Variants in ASAP1 observed in about 807,000 individuals in gnomAD.
The protein encoded by ASAP1 is ArfGAP with SH3 domain, ankyrin repeat and PH domain 1, also known as arf-GAP with SH3 domain, ANK repeat and PH domain-containing protein 1.
ASAP1 carries 43 observed loss-of-function variants against 145.2 expected under a neutral mutation model. The observed-to-expected ratio is 0.30, with a 90% confidence interval of 0.23 to 0.38. The LOEUF (loss-of-function observed/expected upper bound fraction) is 0.38, where lower values mean the gene tolerates loss of function less well. Ranked by LOEUF, ASAP1 falls within the 10% of genes least tolerant of loss-of-function variation. ASAP1 has a pLI of 1.00. For missense variants in ASAP1, 1,018 were observed against 1,355.3 expected, an observed-to-expected ratio of 0.75 and a Z score of 3.91; for synonymous variants, 546 against 515.5, an observed-to-expected ratio of 1.06 and a Z score of -0.80.
chr8:130,434,119 C>A (rs993589887), intron 1 of ASAP1, among the ~76,000 whole-genome samples: 3 of 152,124 alleles, frequency 2.0e-5, no homozygotes, highest in Non-Finnish European at 4.4e-5. Flanking sequence ...AGTTCGAGAC[C>A]AACTTGGGCA....
At chr8:130,205,382 GAA>G (rs771590453) in intron 5 of ASAP1, among the ~76,000 whole-genome samples, 38 of 57,046 alleles carry the variant, frequency 6.7e-4, no homozygotes, top group African/African-American at 2.0e-3. Flanking sequence ...ATCCTTATAA[GAA>G]AAAAAAAAAA....
In ASAP1 at chr8:130,092,010, T is replaced by G; in HGVS notation, c.2535A>C (p.Leu845=). 1 of 1,562,742 alleles carries G rather than the reference T, an allele frequency of 6.4e-7. No homozygotes were observed. Among genetic ancestry groups the G allele is most frequent in the African/African-American group, 1.4e-5 (1 of 70,738 alleles). Residue 845 remains leucine (L), a synonymous_variant, in exon 25 of 30, where the codon CTA becomes CTC. Transcript: ENST00000518721. ...KRTLSDPPSP[L]PHGPPNKGAV... The stretch of plus-strand genomic sequence containing the variant: ...CGCCTTTGTTTGGGGGCCCATGAGG[T>G]AGTGGGCTGGGAGGGTCGGATAGGG...
At chr8:130,417,696 T>C (rs1479493047) in intron 1 of ASAP1, among the ~76,000 whole-genome samples, 1 of 151,552 alleles carries the variant, frequency 6.6e-6, no homozygotes, top group Non-Finnish European at 1.5e-5. Context: ...AATTCAGGCC[T>C]GGCTAGATTC....
intron 3 of ASAP1, among the ~76,000 whole-genome samples, chr8:130,277,559 A>G (rs1003182171): frequency 3.3e-5 from 5 of 152,224 alleles, no homozygotes; most frequent in Non-Finnish European, 7.3e-5. Context: ...ACAAGCACAA[A>G]GTGACACAGA....
intron 2 of ASAP1, among the ~76,000 whole-genome samples, chr8:130,366,219 G>A (rs1006580109): frequency 5.3e-5 from 8 of 152,162 alleles, no homozygotes; most frequent in Admixed American, 6.5e-5. Context: ...ACAGAATCAA[G>A]GAATGCCTAT....
At chr8:130,165,540 A>T (rs1340579635) in intron 11 of ASAP1, among the ~76,000 whole-genome samples, 1 of 152,196 alleles carries the variant, frequency 6.6e-6, no homozygotes, top group East Asian at 1.9e-4. Flanking sequence ...TTCAGTCTGA[A>T]GTCTACTGGG....
At chr8:130,065,567 C>G (rs1043725748) in intron 27 of ASAP1, among the ~76,000 whole-genome samples, 1 of 152,168 alleles carries the variant, frequency 6.6e-6, no homozygotes, top group Admixed American at 6.5e-5. Flanking sequence ...CAGACTGTAA[C>G]AAGGGATGTG....
At chr8:130,349,574 G>A (rs956807711) in intron 3 of ASAP1, among the ~76,000 whole-genome samples, 1 of 152,200 alleles carries the variant, frequency 6.6e-6, no homozygotes, top group Non-Finnish European at 1.5e-5. Flanking sequence ...CACGCTAGAA[G>A]TAATAGGGAT....
intron 2 of ASAP1, among the ~76,000 whole-genome samples, chr8:130,397,975 G>T (rs57315235): frequency 0.045 from 6,804 of 152,310 alleles, 159 homozygotes; most frequent in Middle Eastern, 0.075. Context: ...TAAGTAATAA[G>T]CAGTTATCAA....
At chr8:130,326,247 A>G (rs917921810) in intron 3 of ASAP1, among the ~76,000 whole-genome samples, 2 of 152,354 alleles carry the variant, frequency 1.3e-5, no homozygotes, top group South Asian at 2.1e-4. Flanking sequence ...AAGTCCCAGC[A>G]TGCTCACGTA....
chr8:130,165,489 G>C (rs2097678197), intron 11 of ASAP1, among the ~76,000 whole-genome samples: 1 of 152,200 alleles, frequency 6.6e-6, no homozygotes, highest in South Asian at 2.1e-4. Flanking sequence ...TTATGTGTCA[G>C]TAATAAGCAC....
chr8:130,104,674 G>A (rs910492954), intron 24 of ASAP1, among the ~76,000 whole-genome samples: 1 of 152,186 alleles, frequency 6.6e-6, no homozygotes, highest in African/African-American at 2.4e-5. Context: ...TTAAATTTAT[G>A]TTCAAGTGCT....
chr8:130,127,888 G>T, intron 16 of ASAP1, 39 bp downstream of exon 16: 1 of 1,605,742 alleles, frequency 6.2e-7, no homozygotes, highest in Non-Finnish European at 8.5e-7. Flanking sequence ...GGAAGAGAAA[G>T]GATGTTGTAA....
At chr8:130,406,475 C>CTT (rs200416384) in intron 1 of ASAP1, among the ~76,000 whole-genome samples, 7 of 138,240 alleles carry the variant, frequency 5.1e-5, no homozygotes, top group African/African-American at 7.9e-5. Context: ...TACTTTAGTT[C>CTT]TTTTTTTTTT....
chr8:130,072,833 G>A (rs555893827), intron 27 of ASAP1, among the ~76,000 whole-genome samples: 3 of 129,832 alleles, frequency 2.3e-5, no homozygotes, highest in Admixed American at 7.6e-5. Flanking sequence ...GTGCGCGCGG[G>A]GGGGGGCAGT....
intron 2 of ASAP1, among the ~76,000 whole-genome samples, chr8:130,397,206 T>A (rs1828571884): frequency 6.6e-6 from 1 of 152,176 alleles, no homozygotes; most frequent in Non-Finnish European, 1.5e-5. Flanking sequence ...AATGGCACGA[T>A]CTCAGCTCAC....
intron 3 of ASAP1, among the ~76,000 whole-genome samples, chr8:130,266,425 GC>G (rs1820249353): frequency 6.6e-6 from 1 of 151,978 alleles, no homozygotes; most frequent in Admixed American, 6.6e-5. Flanking sequence ...TACTGTACTT[GC>G]CATTTTTCAG....
intron 3 of ASAP1, among the ~76,000 whole-genome samples, chr8:130,340,066 T>A (rs1253031120): frequency 1.3e-5 from 2 of 152,168 alleles, no homozygotes. Context: ...GATAAACAGA[T>A]GAATAAATAA....
At chr8:130,419,125 T>C (rs1829611370) in intron 1 of ASAP1, among the ~76,000 whole-genome samples, 1 of 152,138 alleles carries the variant, frequency 6.6e-6, no homozygotes, top group Non-Finnish European at 1.5e-5. Flanking sequence ...CAGTGTGTGG[T>C]GGAGCAGAAA....
Sources: allele counts gnomAD v4.1 joint callset (sites outside exome capture counted in the v4.1 genomes callset), GRCh38; gene constraint gnomAD v4.1.1; transcripts MANE v1.5; gene names NCBI Gene and HGNC (gene_info 2026-07-23, HGNC 2026-07-21).